SLC18A2: variants seen among roughly 807,000 people sequenced by gnomAD.
SLC18A2 encodes the protein solute carrier family 18 member A2.
Under a neutral mutation model 59.2 loss-of-function variants are expected in SLC18A2, and 33 were observed. The observed-to-expected ratio is 0.56, with a 90% CI of 0.42 to 0.75. The LOEUF (loss-of-function observed/expected upper bound fraction) is 0.75, where lower values mean the gene tolerates loss of function less well. Ranked by LOEUF, SLC18A2 falls within the 30% of genes least tolerant of loss-of-function variation. The probability of loss-of-function intolerance (pLI) is 0.00; values close to 1 mark genes in which losing one functional copy is unlikely to be tolerated. For missense variants in SLC18A2, 569 were observed against 668.6 expected (o/e 0.85, Z 1.64); for synonymous variants, 228 against 253.5 (o/e 0.90, Z 0.95).
chr10:117,271,592 G>A lies in SLC18A2; in HGVS notation c.1440+1129G>A, dbSNP rs543103675. ...GATACTTTTGAGTAATGCATGGCCCGTCTGACTCATGGAAAAGGTATGGAA... is the reference window on the plus strand; with the variant it reads ...GATACTTTTGAGTAATGCATGGCCCATCTGACTCATGGAAAAGGTATGGAA... On this transcript the variant is annotated intron_variant, in intron 15 of 15. Coordinates refer to ENST00000644641, the MANE Select transcript of SLC18A2 (RefSeq NM_003054.6). Among the ~76,000 whole-genome samples, 4 of 152,222 alleles carry A rather than the reference G, an allele frequency of 2.6e-5. No individual in the cohort carries two copies. The East Asian group carries it at 5.8e-4, about 22-fold the overall frequency.
chr10:117,258,939 C>T (rs1282148101), intron 10 of SLC18A2, among the ~76,000 whole-genome samples: 3 of 151,982 alleles, frequency 2.0e-5, no homozygotes, highest in African/African-American at 7.3e-5. Context: ...GCTAATGACA[C>T]CCCCTTTTTA....
Position 117,269,748 on chromosome 10 carries a change from T to C in SLC18A2, c.1187-323T>C, listed in dbSNP as rs1442342559. Among the ~76,000 whole-genome samples, 1 of 152,136 alleles carries C rather than the reference T, an allele frequency of 6.6e-6. No individual in the cohort carries two copies. The highest frequency in any genetic ancestry group is 1.5e-5 in the Non-Finnish European group (1 of 68,016). ...TGAAATGGTGCTTGCTGCTTCCTAA[T>C]ATGTACAAGTGCTGGGGATATGGGT... On this transcript the variant is annotated intron_variant, in intron 13 of 15. Transcript: ENST00000644641. This position sits in a 1 kb window ranked among gnomAD's most constrained non-coding sequence, Gnocchi z 5.1.
chr10:117,242,204 G>C (rs1844064298), intron 2 of SLC18A2, among the ~76,000 whole-genome samples: 1 of 152,178 alleles, frequency 6.6e-6, no homozygotes, highest in Non-Finnish European at 1.5e-5. Context: ...TAGTAATTTG[G>C]TGTAGTACCT....
rs57101171 is a variant in SLC18A2 at position 117,252,134 on chromosome 10, ATTTTTTTTTTTTT to A, written c.465-1248_465-1236del. Among the ~76,000 whole-genome samples the A allele has an allele frequency of 6.5e-4, 29 of 44,350 alleles. No individual in the cohort carries two copies. In the East Asian group the frequency reaches 9.6e-3, roughly 15 times the overall value. 29.1% of individuals were successfully genotyped at this position (44,350 alleles called of 152,430 possible). A position where few individuals can be genotyped will look rare whatever the true frequency, so the allele number is the denominator to read the frequency against. On this transcript the variant is annotated intron_variant, in intron 3 of 15. Transcript: ENST00000644641. ...CTACTATGCCTGACTCATTTTTTGT[ATTTTTTTTTTTTT>A]TTTTTTTTTTTTTTTTAGTACAGAC...
At chr10:117,260,906 T>C (rs1344187932) in intron 10 of SLC18A2, among the ~76,000 whole-genome samples, 2 of 152,070 alleles carry the variant, frequency 1.3e-5, no homozygotes, top group African/African-American at 2.4e-5. Flanking sequence ...TGTAGGAGAG[T>C]GTCCTTGTAC....
At position 117,278,636 on chromosome 10, in the gene SLC18A2, C is replaced by A. The variant is rs1431289621; in HGVS notation, c.*1370C>A. 1 of 151,594 alleles carries A rather than the reference C, an allele frequency of 6.6e-6. No homozygotes were observed. The highest frequency in any genetic ancestry group is 1.9e-4 in the East Asian group (1 of 5,152). 9.4% of individuals were successfully genotyped at this position (151,594 alleles called of 1,614,324 possible). The stretch of plus-strand genomic sequence containing the variant: ...ACAAAAATTACTTAGTTTCGTTAAG[C>A]TAAGATTGTGTTTGTGTTAACTTCG... On this transcript the variant is annotated 3_prime_UTR_variant, in exon 16 of 16. Transcript: ENST00000644641.
chr10:117,272,532 C>A lies in SLC18A2; in HGVS notation c.1440+2069C>A, dbSNP rs77413694. Among the ~76,000 whole-genome samples the A allele has an allele frequency of 1.0e-3, 153 of 152,204 alleles. 2 individuals are homozygous for A. The East Asian group carries it at 0.029, about 29-fold the overall frequency. Reference sequence around the variant, plus strand: ...GCAGAAGGCAGGCCTCAGTACCCCTCCTCTTTCCCCATTTAAACGAATACT... The same window carrying A: ...GCAGAAGGCAGGCCTCAGTACCCCTACTCTTTCCCCATTTAAACGAATACT... On this transcript the variant is annotated intron_variant, in intron 15 of 15. Coordinates refer to ENST00000644641, the MANE Select transcript of SLC18A2 (RefSeq NM_003054.6).
rs1369901152 is a variant in SLC18A2, at chr10:117,259,488, G to GAGCATAGCCTCCCAC, written c.991+1615_991+1629dup. Among the ~76,000 whole-genome samples, 27 of 152,256 alleles carry GAGCATAGCCTCCCAC rather than the reference G, an allele frequency of 1.8e-4. No homozygotes were observed. The East Asian group carries it at 4.1e-3, about 23-fold the overall frequency. On this transcript the variant is annotated intron_variant, in intron 10 of 15. Transcript: ENST00000644641. Reference sequence around the variant, plus strand: ...CTTGACTGACTTCCTCCTTATTGCAGAGCATAGCCTCCCACAGCATAGCCT... The same window carrying GAGCATAGCCTCCCAC: ...CTTGACTGACTTCCTCCTTATTGCAGAGCATAGCCTCCCACAGCATAGCCTCCCACAGCATAGCCT...
At chr10:117,249,149 A>C (rs558404810) in intron 3 of SLC18A2, among the ~76,000 whole-genome samples, 5 of 152,212 alleles carry the variant, frequency 3.3e-5, no homozygotes, top group African/African-American at 1.2e-4. Context: ...CTCTATGGAC[A>C]GGGAAACCGG....
intron 2 of SLC18A2, among the ~76,000 whole-genome samples, chr10:117,243,618 C>A (rs1484319290): frequency 2.0e-5 from 3 of 152,208 alleles, no homozygotes; most frequent in Non-Finnish European, 4.4e-5. Context: ...CAGAGTCTCA[C>A]TCTGTCACCC....
chr10:117,258,345 C>T (rs1383245689), intron 10 of SLC18A2, among the ~76,000 whole-genome samples: 1 of 152,166 alleles, frequency 6.6e-6, no homozygotes, highest in African/African-American at 2.4e-5. Context: ...GCTCATCTTT[C>T]TCCCTCCCCC....
At chr10:117,259,359 A>G (rs1389290339) in intron 10 of SLC18A2, among the ~76,000 whole-genome samples, 1 of 152,170 alleles carries the variant, frequency 6.6e-6, no homozygotes, top group African/African-American at 2.4e-5. Flanking sequence ...CTTTCTGTGT[A>G]TTTGCTCGTT....
chr10:117,257,732 T>G (rs11568713), intron 9 of SLC18A2, 65 bp from the exon 10 acceptor site: 1 of 1,056,502 alleles, frequency 9.5e-7, no homozygotes, highest in Non-Finnish European at 1.4e-6. Flanking sequence ...GCGCATGGAG[T>G]CTAACTGTGC....
At chr10:117,253,086 A>C (rs773155099) in intron 3 of SLC18A2, among the ~76,000 whole-genome samples, 7 of 152,230 alleles carry the variant, frequency 4.6e-5, no homozygotes, top group Non-Finnish European at 1.0e-4. Flanking sequence ...CTATAATTAA[A>C]GGAATCATTT....
At chr10:117,252,134 A>ATTTTTTTTTTT (rs57101171) in intron 3 of SLC18A2, among the ~76,000 whole-genome samples, 1 of 44,348 alleles carries the variant, frequency 2.3e-5, no homozygotes, top group African/African-American at 7.0e-5. Flanking sequence ...CATTTTTTGT[A>ATTTTTTTTTTT]TTTTTTTTTT....
intron 10 of SLC18A2, among the ~76,000 whole-genome samples, chr10:117,260,251 C>A (rs1393051887): frequency 6.6e-6 from 1 of 152,088 alleles, no homozygotes; most frequent in East Asian, 1.9e-4. Context: ...TGCTAGGGGC[C>A]CCACTGCTCT....
At position 117,244,051 on chromosome 10, in the gene SLC18A2, A is replaced by G; in HGVS notation, c.202A>G (p.Thr68Ala). ...AATCCAGACGGCCAGGCCAGTGCACACTGCCTCCATCTCAGACAGCTTCCA... is the reference window on the plus strand; with the variant it reads ...AATCCAGACGGCCAGGCCAGTGCACGCTGCCTCCATCTCAGACAGCTTCCA... ...TEIQTARPVH[T>A]ASISDSFQSI... The change falls in exon 3 of 16, where the codon ACT becomes GCT. Residue 68 changes from threonine (T) to alanine (A), a missense_variant. Thr to Ala is a moderately conservative substitution (Grantham distance 58). Transcript: ENST00000644641. 2 of 1,614,160 alleles carry G rather than the reference A, an allele frequency of 1.2e-6. No homozygotes were observed. Among genetic ancestry groups the G allele is most frequent in the Non-Finnish European group, 1.7e-6 (2 of 1,180,016 alleles).
intron 10 of SLC18A2, among the ~76,000 whole-genome samples, chr10:117,262,271 G>A (rs1367264666): frequency 6.6e-6 from 1 of 152,204 alleles, no homozygotes; most frequent in African/African-American, 2.4e-5. Context: ...CCTGACATCA[G>A]AAGAGGTATT....
rs192068677 is a variant in SLC18A2, at chr10:117,274,167, T to A, written c.1441-2995T>A. Among the ~76,000 whole-genome samples, 247 of 152,296 alleles carry A rather than the reference T, an allele frequency of 1.6e-3. 3 individuals are homozygous for A. Among genetic ancestry groups the A allele is most frequent in the African/African-American group, 5.2e-3 (215 of 41,546 alleles). On this transcript the variant is annotated intron_variant, in intron 15 of 15. Coordinates refer to ENST00000644641, the MANE Select transcript of SLC18A2 (RefSeq NM_003054.6). The stretch of plus-strand genomic sequence containing the variant: ...GGCTTATTTGTGTATAACTTTTTTT[T>A]AAAAAGTACAATTATTGCACAATAG...
Sources: allele counts gnomAD v4.1 joint callset (sites outside exome capture counted in the v4.1 genomes callset), GRCh38; gene constraint gnomAD v4.1.1; non-coding constraint Gnocchi (gnomAD v3.1); transcripts MANE v1.5; gene names NCBI Gene and HGNC (gene_info 2026-07-23, HGNC 2026-07-21).